Variants in THSD7B observed in about 807,000 individuals in gnomAD.
The protein encoded by THSD7B is thrombospondin type 1 domain containing 7B, also known as thrombospondin type-1 domain-containing protein 7B.
In THSD7B, 138 loss-of-function variants were observed where a neutral mutation model predicts 213.6. That is an observed-to-expected ratio of 0.65 (90% confidence interval 0.56 to 0.74). The LOEUF is 0.74. THSD7B is among the 30% of genes least tolerant of loss of function. The probability of loss-of-function intolerance (pLI) is 0.00; values close to 1 mark genes in which losing one functional copy is unlikely to be tolerated. For synonymous variants in THSD7B, 742 were observed against 687.0 expected, an observed-to-expected ratio of 1.08 and a Z score of -1.25; for missense variants, 1,931 against 1,991.5, an observed-to-expected ratio of 0.97 and a Z score of 0.58.
rs576641996 is a variant in THSD7B at position 137,498,388 on chromosome 2, T to C, written c.3138+47365T>C. Among the ~76,000 whole-genome samples, 48 of 152,160 alleles carry C rather than the reference T, an allele frequency of 3.2e-4. 1 individual carries two copies. The South Asian group carries it at 9.6e-3, about 30-fold the overall frequency. ...TATTATCATGATTTAGACAATTGAA[T>C]TGATTTCATAATCAAGTAGTTCTGA... On this transcript the variant is annotated intron_variant, in intron 15 of 27. Coordinates refer to ENST00000409968, the MANE Select transcript of THSD7B (RefSeq NM_001316349.2).
intron 12 of THSD7B, among the ~76,000 whole-genome samples, chr2:137,400,854 G>C (rs1686338919): frequency 6.6e-6 from 1 of 151,856 alleles, no homozygotes; most frequent in Admixed American, 6.6e-5. Flanking sequence ...GTGTCCTGGA[G>C]CAGGGGAAGA....
At chr2:137,402,559 G>A (rs1020004324) in intron 12 of THSD7B, among the ~76,000 whole-genome samples, 8 of 152,118 alleles carry the variant, frequency 5.3e-5, no homozygotes, top group Non-Finnish European at 8.8e-5. Context: ...GCTCACACCT[G>A]TAATCCCAGC....
intron 17 of THSD7B, among the ~76,000 whole-genome samples, chr2:137,611,669 C>T (rs1225975215): frequency 6.6e-6 from 1 of 152,078 alleles, no homozygotes; most frequent in Non-Finnish European, 1.5e-5. Context: ...CAAAAAAACA[C>T]TTATTTGGAT....
chr2:137,668,631 C>A (rs773133114), intron 27 of THSD7B, among the ~76,000 whole-genome samples: 1 of 151,988 alleles, frequency 6.6e-6, no homozygotes, highest in East Asian at 1.9e-4. Context: ...CCCACACAGT[C>A]GAAAATTCAA....
chr2:137,195,541 CT>C (rs1036326927), intron 7 of THSD7B, among the ~76,000 whole-genome samples: 5 of 152,214 alleles, frequency 3.3e-5, no homozygotes, highest in African/African-American at 1.2e-4. Flanking sequence ...TGCAGGTCCA[CT>C]TTGAAGGGAT....
intron 2 of THSD7B, among the ~76,000 whole-genome samples, chr2:136,903,536 G>A (rs1164024387): frequency 6.6e-6 from 1 of 152,070 alleles, no homozygotes; most frequent in African/African-American, 2.4e-5. Flanking sequence ...AGGTGATGCT[G>A]CCACAGAGCA....
intron 15 of THSD7B, among the ~76,000 whole-genome samples, chr2:137,558,145 C>G (rs1257215643): frequency 1.3e-5 from 2 of 152,162 alleles, no homozygotes; most frequent in Non-Finnish European, 1.5e-5. Flanking sequence ...CAAGGAGGAG[C>G]TGGTACCATT....
intron 2 of THSD7B, among the ~76,000 whole-genome samples, chr2:136,941,012 C>T (rs184705566): frequency 6.6e-6 from 1 of 151,946 alleles, no homozygotes; most frequent in Admixed American, 6.6e-5. Context: ...TCCAGCCCCC[C>T]ACCCCATGAC....
chr2:136,891,251 G>A (rs1683852077), intron 2 of THSD7B, among the ~76,000 whole-genome samples: 1 of 151,928 alleles, frequency 6.6e-6, no homozygotes, highest in African/African-American at 2.4e-5. Context: ...CATGGCCCCT[G>A]ACATAGTGAG....
Position 137,159,871 on chromosome 2 carries a change from T to C in THSD7B, c.1370-342T>C, listed in dbSNP as rs1431796147. ...CATTTATATAGATGAGATAGACTCA[T>C]CTTGAAACTTCACAAAGCCATTTAA... is the stretch of plus-strand genomic sequence containing the variant. On this transcript the variant is annotated intron_variant, in intron 5 of 27. Transcript: ENST00000409968. 2.0e-5 allele frequency among the ~76,000 whole-genome samples: 3 copies of C among 152,188 alleles called. No individual in the cohort carries two copies. In the East Asian group the frequency reaches 5.8e-4, roughly 29 times the overall value.
chr2:137,392,670 T>C (rs1686060894), intron 12 of THSD7B, among the ~76,000 whole-genome samples: 1 of 152,180 alleles, frequency 6.6e-6, no homozygotes, highest in Non-Finnish European at 1.5e-5. Context: ...AAGCAATATA[T>C]GGTTGGATCA....
intron 12 of THSD7B, among the ~76,000 whole-genome samples, chr2:137,391,389 A>T (rs1901801): frequency 0.23 from 34,295 of 151,560 alleles, 4,005 homozygotes; most frequent in South Asian, 0.27. Context: ...ATTTTTTTTA[A>T]AATCTTTTTA....
chr2:137,581,775 A>T (rs867057396), intron 17 of THSD7B, among the ~76,000 whole-genome samples: 4,217 of 147,874 alleles, frequency 0.029, 156 homozygotes, highest in African/African-American at 0.087. Flanking sequence ...AAAAAATAAA[A>T]AAAAAAAAAA....
chr2:136,903,925 G>GTGTGTGTGTGT, intron 2 of THSD7B, among the ~76,000 whole-genome samples: 1 of 108,724 alleles, frequency 9.2e-6, no homozygotes, highest in Middle Eastern at 3.9e-3. Context: ...CTTCCTGTGA[G>GTGTGTGTGTGT]GTGTGTGTGT....
At chr2:136,859,481 G>C (rs1158771624) in intron 1 of THSD7B, among the ~76,000 whole-genome samples, 1 of 152,178 alleles carries the variant, frequency 6.6e-6, no homozygotes, top group Admixed American at 6.5e-5. Context: ...TGTGCTAATA[G>C]ATCATAACTA....
At chr2:137,161,114 C>A (rs985663865) in intron 6 of THSD7B, among the ~76,000 whole-genome samples, 1 of 152,064 alleles carries the variant, frequency 6.6e-6, no homozygotes, top group Non-Finnish European at 1.5e-5. Flanking sequence ...TGATCTTGGG[C>A]TTAAGGAAAA....
At chr2:137,389,068 A>T (rs1490027085) in intron 12 of THSD7B, among the ~76,000 whole-genome samples, 1 of 151,290 alleles carries the variant, frequency 6.6e-6, no homozygotes, top group African/African-American at 2.4e-5. Context: ...TAGTAATTCT[A>T]TTTTTAGCTT....
At chr2:136,770,237 A>G (rs1681480677) in intron 1 of THSD7B, among the ~76,000 whole-genome samples, 1 of 152,208 alleles carries the variant, frequency 6.6e-6, no homozygotes, top group Non-Finnish European at 1.5e-5. Context: ...TGGTTATTTT[A>G]AAAAGCATAC....
At chr2:137,300,651 T>C (rs1683575917) in intron 12 of THSD7B, among the ~76,000 whole-genome samples, 1 of 152,142 alleles carries the variant, frequency 6.6e-6, no homozygotes. Flanking sequence ...AGATGGATGA[T>C]TTATACGAAT....
Sources: allele counts gnomAD v4.1 joint callset (sites outside exome capture counted in the v4.1 genomes callset), GRCh38; gene constraint gnomAD v4.1.1; transcripts MANE v1.5; gene names NCBI Gene and HGNC (gene_info 2026-07-23, HGNC 2026-07-21).